DPY19L2: variants seen among roughly 807,000 people sequenced by gnomAD.
DPY19L2 encodes the protein probable C-mannosyltransferase DPY19L2.
Under a neutral mutation model 97.9 loss-of-function variants are expected in DPY19L2, and 34 were observed. The ratio of observed to expected loss-of-function variants is 0.35; its 90% CI spans 0.26 to 0.46. DPY19L2 has a LOEUF of 0.46. Among genes scored for constraint, DPY19L2 ranks in the 20% least tolerant of loss-of-function variants. The pLI is 1.00. For missense variants in DPY19L2, 623 were observed against 911.4 expected (o/e 0.68, Z 4.07); for synonymous variants, 230 against 307.9 (o/e 0.75, Z 2.65).
intron 7 of DPY19L2, among the ~76,000 whole-genome samples, chr12:63,625,572 T>C (rs7136519): frequency 0.28 from 42,836 of 151,998 alleles, 6,662 homozygotes; most frequent in African/African-American, 0.43. Flanking sequence ...TCCATCATAT[T>C]TGAAATAAGC....
At position 63,603,088 on chromosome 12, in the gene DPY19L2, A is replaced by G. The variant is rs536423439; in HGVS notation, c.1279-2702T>C. ...CATGGCAGGCAAATGCCATTTCCAT[A>G]TGGAAACTAAGGAAGACATTTAAAG... On this transcript the variant is annotated intron_variant, in intron 12 of 21. Transcript: ENST00000324472. Among the ~76,000 whole-genome samples, 15 of 152,306 alleles carry G rather than the reference A, an allele frequency of 9.8e-5. 1 individual carries two copies. In the South Asian group the frequency reaches 3.1e-3, roughly 32 times the overall value.
intron 16 of DPY19L2, among the ~76,000 whole-genome samples, chr12:63,586,032 AAT>A (rs1161643686): frequency 6.6e-6 from 1 of 152,192 alleles, no homozygotes; most frequent in African/African-American, 2.4e-5. Flanking sequence ...AGAAATAGAT[AAT>A]GTGATAAAAG....
intron 13 of DPY19L2, among the ~76,000 whole-genome samples, chr12:63,598,380 A>G (rs1407913622): frequency 6.6e-6 from 1 of 152,198 alleles, no homozygotes; most frequent in Non-Finnish European, 1.5e-5. Flanking sequence ...ATAGACATAT[A>G]TTCAAACCAT....
intron 19 of DPY19L2, among the ~76,000 whole-genome samples, chr12:63,574,134 A>G (rs142402898): frequency 0.031 from 4,727 of 152,154 alleles, 370 homozygotes; most frequent in East Asian, 0.27. Context: ...AGACAGTACA[A>G]TAAGATATAA....
At chr12:63,572,199 A>G (rs1391526783) in intron 19 of DPY19L2, among the ~76,000 whole-genome samples, 9 of 152,130 alleles carry the variant, frequency 5.9e-5, no homozygotes, top group Admixed American at 5.9e-4. Context: ...ACTGCCCTGA[A>G]GGGTGAGTTC....
At chr12:63,637,237 T>C (rs1891881300) in intron 6 of DPY19L2, among the ~76,000 whole-genome samples, 1 of 151,996 alleles carries the variant, frequency 6.6e-6, no homozygotes, top group Non-Finnish European at 1.5e-5. Flanking sequence ...TTGAAACCAA[T>C]GAGAACAAAG....
At chr12:63,583,874 T>C in intron 16 of DPY19L2, 38 bp from the exon 17 acceptor site, 1 of 1,555,004 alleles carries the variant, frequency 6.4e-7, no homozygotes, top group Non-Finnish European at 8.8e-7. Context: ...TTACTGAAGG[T>C]CTTTTATACT....
intron 3 of DPY19L2, among the ~76,000 whole-genome samples, chr12:63,663,536 C>A (rs1207364397): frequency 6.6e-6 from 1 of 152,096 alleles, no homozygotes; most frequent in African/African-American, 2.4e-5. Flanking sequence ...TATAATTCAT[C>A]TTTATTATCT....
At chr12:63,655,628 A>G (rs544806296) in intron 4 of DPY19L2, among the ~76,000 whole-genome samples, 6 of 152,198 alleles carry the variant, frequency 3.9e-5, no homozygotes, top group South Asian at 4.1e-4. Context: ...CTCAAGGACC[A>G]TATCAGGATC....
intron 14 of DPY19L2, among the ~76,000 whole-genome samples, chr12:63,597,398 C>T (rs1436225839): frequency 6.6e-6 from 1 of 151,660 alleles, no homozygotes; most frequent in Non-Finnish European, 1.5e-5. Flanking sequence ...TTGGTAACAC[C>T]TTGTTAAAAA....
At position 63,664,440 on chromosome 12, in the gene DPY19L2, G is replaced by C. The variant is rs547733899; in HGVS notation, c.363-595C>G. 5.3e-5 allele frequency among the ~76,000 whole-genome samples: 8 copies of C among 152,182 alleles called. No individual in the cohort carries two copies. The East Asian group carries it at 1.5e-3, about 29-fold the overall frequency. ...CCCAGGCCTCCAAATCAGAACAGAG[G>C]CAGGTTAGTGTTTGTTTTTTAAGTT... On this transcript the variant is annotated intron_variant, in intron 2 of 21. Transcript: ENST00000324472.
chr12:63,598,189 A>G (rs555168843), intron 13 of DPY19L2, among the ~76,000 whole-genome samples: 7 of 152,198 alleles, frequency 4.6e-5, no homozygotes, highest in Admixed American at 2.6e-4. Flanking sequence ...GCTAAAATCA[A>G]TATCTGCTGA....
intron 13 of DPY19L2, among the ~76,000 whole-genome samples, chr12:63,598,170 A>G (rs1483473940): frequency 6.6e-6 from 1 of 151,994 alleles, no homozygotes. Flanking sequence ...AGAAGATGAT[A>G]AAGAGTGAGC....
chr12:63,593,730 T>C (rs1353499687), intron 16 of DPY19L2, among the ~76,000 whole-genome samples: 3 of 152,020 alleles, frequency 2.0e-5, no homozygotes, highest in Non-Finnish European at 2.9e-5. Flanking sequence ...GCATGGCACA[T>C]GTATACATAT....
At chr12:63,590,130 A>AC (rs1882641738) in intron 16 of DPY19L2, among the ~76,000 whole-genome samples, 2 of 151,426 alleles carry the variant, frequency 1.3e-5, no homozygotes, top group Admixed American at 6.6e-5. Flanking sequence ...AAACAAAACA[A>AC]AACAACAACA....
At chr12:63,570,698 A>T in intron 20 of DPY19L2, 60 bp downstream of exon 20, 1 of 1,546,620 alleles carries the variant, frequency 6.5e-7, no homozygotes, top group East Asian at 2.3e-5. Flanking sequence ...AAATTTTCCC[A>T]ATTCCTAAGA....
At chr12:63,627,304 C>A (rs570135654) in intron 6 of DPY19L2, among the ~76,000 whole-genome samples, 1 of 152,076 alleles carries the variant, frequency 6.6e-6, no homozygotes, top group African/African-American at 2.4e-5. Context: ...ATACAAAAAT[C>A]AGATGAAAGA....
At chr12:63,652,137 A>G (rs1894335839) in intron 4 of DPY19L2, among the ~76,000 whole-genome samples, 1 of 152,176 alleles carries the variant, frequency 6.6e-6, no homozygotes, top group African/African-American at 2.4e-5. Flanking sequence ...CATAAACACA[A>G]ATTTCTCAAA....
rs1565681181 is a variant in DPY19L2 at position 63,559,352 on chromosome 12, T to C, written c.*1160A>G. Reference sequence around the variant, plus strand: ...GAGGGGCAAGAACATAAGGGAATTATAAAAACCCCAAGATGACTCATTTAA... The same window carrying C: ...GAGGGGCAAGAACATAAGGGAATTACAAAAACCCCAAGATGACTCATTTAA... On this transcript the variant is annotated 3_prime_UTR_variant, in exon 22 of 22. Transcript: ENST00000324472. The C allele has an allele frequency of 6.6e-6, 1 of 152,446 alleles. No homozygotes were observed. The highest frequency in any genetic ancestry group is 2.4e-5 in the African/African-American group (1 of 41,568). 9.4% of individuals were successfully genotyped at this position (152,446 alleles called of 1,614,324 possible).
Sources: gnomAD v4.1 joint callset for allele counts (sites outside exome capture counted in the v4.1 genomes callset) on GRCh38, gnomAD v4.1.1 for gene constraint, MANE v1.5 for transcripts, NCBI Gene and HGNC (gene_info 2026-07-23, HGNC 2026-07-21) for gene names.